STK33: variants seen among roughly 807,000 people sequenced by gnomAD.
STK33 encodes serine/threonine kinase 33, also known as serine/threonine-protein kinase 33.
A neutral mutation model predicts 58.0 loss-of-function variants in STK33; 52 were observed. The observed-to-expected ratio is 0.90, with a 90% CI of 0.72 to 1.13. The LOEUF is 1.13. STK33 is among the 50% of genes most tolerant of loss of function. STK33 has a pLI of 0.00. For missense variants in STK33, 630 were observed against 604.2 expected, an observed-to-expected ratio of 1.04 and a Z score of -0.45; for synonymous variants, 215 against 200.1, an observed-to-expected ratio of 1.07 and a Z score of -0.63.
At chr11:8,393,713 T>A (rs1222613810) in intron 15 of STK33, among the ~76,000 whole-genome samples, 1 of 152,238 alleles carries the variant, frequency 6.6e-6, no homozygotes, top group African/African-American at 2.4e-5. Context: ...AAGAGTGTGA[T>A]AAGATGGTGT....
chr11:8,558,892 G>A (rs188079847), intron 1 of STK33, among the ~76,000 whole-genome samples: 2 of 152,238 alleles, frequency 1.3e-5, no homozygotes, highest in East Asian at 1.9e-4. Flanking sequence ...TGGCTGTGCG[G>A]GTATTCAAAT....
intron 1 of STK33, among the ~76,000 whole-genome samples, chr11:8,501,871 C>T (rs757268916): frequency 6.6e-6 from 1 of 152,088 alleles, no homozygotes. Context: ...TATTTGGCCA[C>T]TGATATATAT....
At chr11:8,567,508 C>A (rs1957531087) in intron 1 of STK33, among the ~76,000 whole-genome samples, 1 of 152,126 alleles carries the variant, frequency 6.6e-6, no homozygotes, top group Admixed American at 6.5e-5. Flanking sequence ...TTTACAGGAA[C>A]ACATTTCTTT....
At chr11:8,505,595 T>A (rs1235600172) in intron 1 of STK33, among the ~76,000 whole-genome samples, 1 of 152,174 alleles carries the variant, frequency 6.6e-6, no homozygotes, top group Non-Finnish European at 1.5e-5. Flanking sequence ...CTTCCACGTG[T>A]TCTTGGATCA....
intron 1 of STK33, among the ~76,000 whole-genome samples, chr11:8,525,567 A>G (rs1451197524): frequency 2.6e-5 from 4 of 152,218 alleles, no homozygotes; most frequent in Non-Finnish European, 5.9e-5. Flanking sequence ...CCCGAATTCT[A>G]TTCTACACCA....
rs192616827 is a variant in STK33, at chr11:8,402,968, G to A, written c.1345-10258C>T. 3.9e-5 allele frequency among the ~76,000 whole-genome samples: 6 copies of A among 152,242 alleles called. No homozygotes were observed. In the East Asian group the frequency reaches 9.6e-4, roughly 24 times the overall value. On this transcript the variant is annotated intron_variant, in intron 15 of 15. Coordinates refer to ENST00000687296, the MANE Select transcript of STK33 (RefSeq NM_001352389.2). ...ATAGTTTTGTAAGTAATAGAACAGAGAAATGAAAAATGAAATTGCCAAGGC... is the reference window on the plus strand; with the variant it reads ...ATAGTTTTGTAAGTAATAGAACAGAAAAATGAAAAATGAAATTGCCAAGGC...
intron 1 of STK33, among the ~76,000 whole-genome samples, chr11:8,522,964 G>T (rs907711961): frequency 6.6e-6 from 1 of 152,196 alleles, no homozygotes; most frequent in Non-Finnish European, 1.5e-5. Context: ...ACTGGTTTTC[G>T]TATTTTTTTG....
chr11:8,550,223 C>T (rs940353954), intron 1 of STK33, among the ~76,000 whole-genome samples: 15 of 152,146 alleles, frequency 9.9e-5, no homozygotes, highest in Admixed American at 9.8e-4. Flanking sequence ...CTACATAATA[C>T]ACAATAAGGT....
At chr11:8,533,510 G>A (rs931040324) in intron 1 of STK33, 1 of 152,252 alleles carries the variant, frequency 6.6e-6, no homozygotes, top group African/African-American at 2.4e-5. Context: ...GAAGAAAGAG[G>A]TGAAGATCAG....
chr11:8,512,254 T>C (rs1022711209), intron 1 of STK33, among the ~76,000 whole-genome samples: 3 of 152,214 alleles, frequency 2.0e-5, no homozygotes, highest in African/African-American at 7.2e-5. Flanking sequence ...CAATTTCTTT[T>C]TTTCATAGTT....
intron 15 of STK33, among the ~76,000 whole-genome samples, chr11:8,393,455 C>T (rs1232659574): frequency 6.6e-6 from 1 of 152,108 alleles, no homozygotes; most frequent in Non-Finnish European, 1.5e-5. Context: ...GAAGCAGGGT[C>T]TGTTTTGACG....
chr11:8,496,735 C>T lies in STK33; in HGVS notation c.-465-16121G>A, dbSNP rs563161002. ...GACTACAGGTGCCCACCACCACGCCCGGCTAATTTTTTATATTTTTAGTAG... is the reference window on the plus strand; with the variant it reads ...GACTACAGGTGCCCACCACCACGCCTGGCTAATTTTTTATATTTTTAGTAG... On this transcript the variant is annotated intron_variant, in intron 1 of 15. Transcript: ENST00000687296. Among the ~76,000 whole-genome samples, 7 of 152,010 alleles carry T rather than the reference C, an allele frequency of 4.6e-5. No homozygotes were observed. In the East Asian group the frequency reaches 1.2e-3, roughly 25 times the overall value.
chr11:8,574,952 G>C (rs561537648), intron 1 of STK33, among the ~76,000 whole-genome samples: 1 of 152,236 alleles, frequency 6.6e-6, no homozygotes, highest in East Asian at 1.9e-4. Context: ...GGCTGAGGCA[G>C]GAGGATCACT....
chr11:8,560,836 T>C (rs1957068716), intron 1 of STK33, among the ~76,000 whole-genome samples: 1 of 152,170 alleles, frequency 6.6e-6, no homozygotes, highest in African/African-American at 2.4e-5. Flanking sequence ...CTACAGCTAC[T>C]TATGAGAATT....
At chr11:8,420,880 G>A (rs192877657) in intron 14 of STK33, among the ~76,000 whole-genome samples, 1 of 151,370 alleles carries the variant, frequency 6.6e-6, no homozygotes, top group Admixed American at 6.6e-5. Flanking sequence ...CATGCCGGTA[G>A]TCTCAGCTAC....
intron 11 of STK33, among the ~76,000 whole-genome samples, chr11:8,443,327 G>A (rs563995304): frequency 1.3e-5 from 2 of 152,092 alleles, no homozygotes; most frequent in South Asian, 2.1e-4. Context: ...AATATCCAAC[G>A]CATCATTTGC....
At chr11:8,374,794 T>G in the STK33 span, among the ~76,000 whole-genome samples, 2 of 152,294 alleles carry the variant, frequency 1.3e-5, no homozygotes, top group African/African-American at 4.8e-5. Context: ...GTGTTTCAAT[T>G]ACCTCGCTGT....
chr11:8,431,154 C>T (rs974678328), intron 14 of STK33, among the ~76,000 whole-genome samples: 8 of 152,058 alleles, frequency 5.3e-5, no homozygotes, highest in South Asian at 2.1e-4. Flanking sequence ...CGTGACCCAC[C>T]GCACCCGGCC....
At chr11:8,398,561 C>T (rs1221806926) in intron 15 of STK33, among the ~76,000 whole-genome samples, 1 of 152,094 alleles carries the variant, frequency 6.6e-6, no homozygotes, top group East Asian at 1.9e-4. Flanking sequence ...AACTAACGAG[C>T]AAAATAACCA....
Sources: gnomAD v4.1 joint callset for allele counts (sites outside exome capture counted in the v4.1 genomes callset) on GRCh38, gnomAD v4.1.1 for gene constraint, MANE v1.5 for transcripts, NCBI Gene and HGNC (gene_info 2026-07-23, HGNC 2026-07-21) for gene names.